The following CDK17 variants were observed in gnomAD, a reference collection of about 807,000 sequenced individuals.
The protein encoded by CDK17 is cyclin-dependent kinase 17.
In CDK17, 24 loss-of-function variants were observed where a neutral mutation model predicts 77.6. The observed-to-expected ratio is 0.31, with a 90% CI of 0.22 to 0.44. CDK17 has a LOEUF of 0.44. Ranked by LOEUF, CDK17 falls within the 20% of genes least tolerant of loss-of-function variation. The pLI is 1.00. For missense variants in CDK17, 429 were observed against 622.5 expected, an observed-to-expected ratio of 0.69 and a Z score of 3.31; for synonymous variants, 203 against 210.4, an observed-to-expected ratio of 0.96 and a Z score of 0.30.
chr12:96,343,313 G>A (rs1241446422), intron 1 of CDK17, among the ~76,000 whole-genome samples: 1 of 152,212 alleles, frequency 6.6e-6, no homozygotes, highest in Non-Finnish European at 1.5e-5. Flanking sequence ...CAAACCAGTA[G>A]CTACCATTCC....
chr12:96,289,203 A>C lies in CDK17; in HGVS notation c.1082T>G (p.Leu361Arg). The stretch of plus-strand genomic sequence containing the variant: ...CTGTGTTGAGTACTCCGAGGAACCA[A>C]GAAGCACATCAGGTGGCCGGTACCA... ...TLWYRPPDVL[L>R]GSSEYSTQID... Residue 361 changes from leucine (L) to arginine (R), a missense_variant, in exon 11 of 17, where the codon CTT becomes CGT. Leu to Arg is a moderately radical substitution (Grantham distance 102). This residue lies in a region of CDK17 where 51 missense variants were observed against 96.5 expected (regional missense o/e 0.53). Coordinates refer to ENST00000261211, the MANE Select transcript of CDK17 (RefSeq NM_002595.5). 1 of 1,614,004 alleles carries C rather than the reference A, an allele frequency of 6.2e-7. No homozygotes were observed. Among genetic ancestry groups the C allele is most frequent in the South Asian group, 1.1e-5 (1 of 91,080 alleles).
chr12:96,364,471 C>A (rs1953551160), intron 1 of CDK17, among the ~76,000 whole-genome samples: 1 of 152,194 alleles, frequency 6.6e-6, no homozygotes, highest in African/African-American at 2.4e-5. Flanking sequence ...TTCTAATTTG[C>A]ATATTCCTGG....
At chr12:96,358,330 T>C (rs796267336) in intron 1 of CDK17, among the ~76,000 whole-genome samples, 71 of 124,494 alleles carry the variant, frequency 5.7e-4, no homozygotes, top group African/African-American at 2.3e-3. Flanking sequence ...CAGGGACCAG[T>C]GAGGATCTTG....
In CDK17 at chr12:96,316,005, C is replaced by T. The variant is rs562701795; in HGVS notation, c.284-2551G>A. 8.5e-5 allele frequency among the ~76,000 whole-genome samples: 13 copies of T among 152,238 alleles called. No homozygotes were observed. In the South Asian group the frequency reaches 1.7e-3, roughly 19 times the overall value. On this transcript the variant is annotated intron_variant, in intron 3 of 16. Transcript: ENST00000261211. ...GGTCTACAGCTCCCAGCGTGAGCGA[C>T]GCAGAAGACGGGTGATTTCTGCATT...
Position 96,289,164 on chromosome 12 carries a change from T to C in CDK17, c.1118+3A>G. ...AATGTCAGTGACATCTGTATATATT[T>C]ACCACATGTCAATCTGTGTTGAGTA... On this transcript the variant is annotated splice_donor_region_variant and intron_variant, in intron 11 of 16. Coordinates refer to ENST00000261211, the MANE Select transcript of CDK17 (RefSeq NM_002595.5). 1 of 1,613,648 alleles carries C rather than the reference T, an allele frequency of 6.2e-7. No homozygotes were observed. Among genetic ancestry groups the C allele is most frequent in the South Asian group, 1.1e-5 (1 of 91,080 alleles).
chr12:96,303,844 A>G (rs1952540358), intron 5 of CDK17, among the ~76,000 whole-genome samples: 1 of 152,204 alleles, frequency 6.6e-6, no homozygotes, highest in Admixed American at 6.5e-5. Context: ...TTCAAAACAA[A>G]TGAAGCACCA....
intron 5 of CDK17, among the ~76,000 whole-genome samples, chr12:96,304,664 AG>A (rs34522026): frequency 1.3e-5 from 2 of 152,218 alleles, no homozygotes; most frequent in African/African-American, 4.8e-5. Flanking sequence ...CTTGGTGGGC[AG>A]GGGGAAAGAC....
chr12:96,334,005 T>A (rs1953006806), intron 2 of CDK17, among the ~76,000 whole-genome samples: 2 of 152,136 alleles, frequency 1.3e-5, no homozygotes, highest in Admixed American at 1.3e-4. Context: ...TGCATTCTAG[T>A]GGAAGGGGTA....
intron 10 of CDK17, among the ~76,000 whole-genome samples, chr12:96,294,782 T>C (rs987365734): frequency 6.6e-6 from 1 of 152,058 alleles, no homozygotes; most frequent in Non-Finnish European, 1.5e-5. Flanking sequence ...TAGGGGTCTT[T>C]GTCCACACCC....
intron 1 of CDK17, among the ~76,000 whole-genome samples, chr12:96,393,403 A>T (rs1209744876): frequency 1.3e-5 from 2 of 149,696 alleles, no homozygotes; most frequent in Admixed American, 6.7e-5. Context: ...GTCAGACTCA[A>T]GGTGCTTAAG....
chr12:96,316,538 G>C (rs1239632971), intron 3 of CDK17, among the ~76,000 whole-genome samples: 2 of 149,478 alleles, frequency 1.3e-5, no homozygotes, highest in Non-Finnish European at 3.0e-5. Context: ...AGGAACCTCT[G>C]CAGACTTAAA....
intron 5 of CDK17, among the ~76,000 whole-genome samples, chr12:96,302,574 TG>T (rs1565810566): frequency 6.6e-6 from 1 of 152,104 alleles, no homozygotes; most frequent in Non-Finnish European, 1.5e-5. Flanking sequence ...TGAATGTTCC[TG>T]AAAAAAATAT....
chr12:96,340,311 T>C (rs1396129403), intron 1 of CDK17, among the ~76,000 whole-genome samples: 1 of 152,168 alleles, frequency 6.6e-6, no homozygotes, highest in Admixed American at 6.5e-5. Context: ...TAATTTTAAC[T>C]ATACTTATTT....
chr12:96,399,601 T>C (rs1217540072), intron 1 of CDK17, among the ~76,000 whole-genome samples: 1 of 151,164 alleles, frequency 6.6e-6, no homozygotes, highest in Non-Finnish European at 1.5e-5. Flanking sequence ...GAGGGGACCT[T>C]TGTGTCTCGG....
At chr12:96,303,881 C>T (rs2137092090) in intron 5 of CDK17, among the ~76,000 whole-genome samples, 1 of 152,234 alleles carries the variant, frequency 6.6e-6, no homozygotes, top group South Asian at 2.1e-4. Flanking sequence ...ACAGGGGATA[C>T]TTCTAAGAAC....
intron 1 of CDK17, among the ~76,000 whole-genome samples, chr12:96,380,763 C>T (rs889603970): frequency 1.3e-5 from 2 of 152,170 alleles, no homozygotes; most frequent in African/African-American, 4.8e-5. Context: ...GTTCAACAGC[C>T]TCCTTACTGG....
At chr12:96,306,031 T>G (rs1156557830) in intron 5 of CDK17, among the ~76,000 whole-genome samples, 1 of 152,052 alleles carries the variant, frequency 6.6e-6, no homozygotes, top group Non-Finnish European at 1.5e-5. Context: ...CCTCTCTCTT[T>G]TTTATGATAT....
Position 96,295,117 on chromosome 12 carries a change from A to G in CDK17, c.879T>C (p.Phe293=), listed in dbSNP as rs151204882. The G allele has an allele frequency of 3.0e-5, 48 of 1,600,984 alleles. No individual in the cohort carries two copies. In the African/African-American group the frequency reaches 5.3e-4, roughly 18 times the overall value. The change falls in exon 10 of 17, where the codon TTT becomes TTC. Residue 293 remains phenylalanine (F), a synonymous_variant. Coordinates refer to ENST00000261211, the MANE Select transcript of CDK17 (RefSeq NM_002595.5). ...CCAAACCACGTAGAATTTGGTACAG[A>G]AACAGCTACAGAAACAAATAAATAA... ...NIMSMHNVKL[F]LYQILRGLAY...
At position 96,384,523 on chromosome 12, in the gene CDK17, T is replaced by C. The variant is rs547616469; in HGVS notation, c.-30+15463A>G. ...AATCAACCTAGGTGCCCACTGATGG[T>C]GAACTGGATAAAGAAAACATGGTAT... On this transcript the variant is annotated intron_variant, in intron 1 of 16. Coordinates refer to ENST00000261211, the MANE Select transcript of CDK17 (RefSeq NM_002595.5). Among the ~76,000 whole-genome samples the C allele has an allele frequency of 5.9e-5, 9 of 152,212 alleles. No homozygotes were observed. The South Asian group carries it at 1.9e-3, about 32-fold the overall frequency.
Sources: gnomAD v4.1 joint callset for allele counts (sites outside exome capture counted in the v4.1 genomes callset) on GRCh38, gnomAD v4.1.1 for gene constraint, gnomAD v4.1.1 regional missense constraint, MANE v1.5 for transcripts, NCBI Gene and HGNC (gene_info 2026-07-23, HGNC 2026-07-21) for gene names.